The following ZNF532 variants were observed in gnomAD, a reference collection of about 807,000 sequenced individuals.
ZNF532 encodes zinc finger protein 532.
In ZNF532, 22 loss-of-function variants were observed where a neutral mutation model predicts 89.3. The observed-to-expected ratio is 0.25, with a 90% CI of 0.18 to 0.35. The LOEUF (loss-of-function observed/expected upper bound fraction) is 0.35. Ranked by LOEUF, ZNF532 falls within the 10% of genes least tolerant of loss-of-function variation. The probability of loss-of-function intolerance (pLI) is 1.00; values close to 1 mark genes in which losing one functional copy is unlikely to be tolerated. For missense variants in ZNF532, 1,132 were observed against 1,643.4 expected, an observed-to-expected ratio of 0.69 and a Z score of 5.38; for synonymous variants, 606 against 649.6, an observed-to-expected ratio of 0.93 and a Z score of 1.02.
chr18:58,928,391 G>A (rs2061694519), intron 3 of ZNF532, among the ~76,000 whole-genome samples: 1 of 152,218 alleles, frequency 6.6e-6, no homozygotes. Flanking sequence ...AGACTCAGAA[G>A]CACCACTTCC....
chr18:58,947,996 G>T, intron 5 of ZNF532, 71 bp from the exon 6 acceptor site: 1 of 1,464,910 alleles, frequency 6.8e-7, no homozygotes. Context: ...AAGTTCTTCA[G>T]CTATAAAGTA....
chr18:58,888,864 A>AT (rs1468262960), intron 2 of ZNF532, among the ~76,000 whole-genome samples: 1,689 of 54,098 alleles, frequency 0.031, 138 homozygotes, highest in South Asian at 0.044. Flanking sequence ...ATTTATATAT[A>AT]TATAATATAT....
At chr18:58,923,291 TCTC>T (rs2061268142) in intron 3 of ZNF532, among the ~76,000 whole-genome samples, 1 of 150,556 alleles carries the variant, frequency 6.6e-6, no homozygotes, top group Non-Finnish European at 1.5e-5. Context: ...CATAGCACGC[TCTC>T]CTCCTGTTCC....
At chr18:58,878,229 T>C (rs1209291459) in intron 2 of ZNF532, among the ~76,000 whole-genome samples, 1 of 151,558 alleles carries the variant, frequency 6.6e-6, no homozygotes, top group Non-Finnish European at 1.5e-5. Context: ...CACTCCAGCC[T>C]GGGCGACAGA....
chr18:58,928,890 G>T (rs937952332), intron 3 of ZNF532, among the ~76,000 whole-genome samples: 2 of 152,166 alleles, frequency 1.3e-5, no homozygotes, highest in African/African-American at 4.8e-5. Flanking sequence ...TTGAATAATT[G>T]ATATTTTAAT....
At chr18:58,896,069 T>G (rs546909505) in intron 2 of ZNF532, among the ~76,000 whole-genome samples, 1 of 152,134 alleles carries the variant, frequency 6.6e-6, no homozygotes, top group Non-Finnish European at 1.5e-5. Context: ...CCCAGGCTGG[T>G]CTTAAACTCT....
intron 2 of ZNF532, among the ~76,000 whole-genome samples, chr18:58,881,377 C>G (rs929101412): frequency 3.9e-5 from 6 of 152,120 alleles, no homozygotes; most frequent in Non-Finnish European, 7.4e-5. Flanking sequence ...CTCAGCTGAT[C>G]CTGCCTCGGC....
intron 7 of ZNF532, chr18:58,977,609 GCTGA>G (rs1484346664): frequency 2.0e-5 from 3 of 152,284 alleles, no homozygotes; most frequent in Non-Finnish European, 2.9e-5. Context: ...ACTTTGGGAG[GCTGA>G]CTGAGGCCAG....
intron 7 of ZNF532, chr18:58,954,339 GTA>G: frequency 1.2e-6 from 1 of 827,626 alleles, no homozygotes; most frequent in South Asian, 5.6e-5. Context: ...TAAATAGTAA[GTA>G]TATGTCTCCA....
At chr18:58,963,885 G>A (rs900021484) in intron 7 of ZNF532, among the ~76,000 whole-genome samples, 7 of 151,644 alleles carry the variant, frequency 4.6e-5, no homozygotes, top group African/African-American at 1.7e-4. Flanking sequence ...CTAGCCATGT[G>A]TATGAAATGT....
intron 7 of ZNF532, among the ~76,000 whole-genome samples, chr18:58,968,709 C>T (rs933242720): frequency 2.0e-5 from 3 of 152,122 alleles, no homozygotes; most frequent in Non-Finnish European, 4.4e-5. Context: ...CAGATTTGCG[C>T]TGGGATTAGG....
chr18:58,888,086 A>C (rs1286170931), intron 2 of ZNF532, among the ~76,000 whole-genome samples: 1 of 152,228 alleles, frequency 6.6e-6, no homozygotes, highest in Non-Finnish European at 1.5e-5. Context: ...CTCTAATCTA[A>C]ATTATGAAAA....
intron 3 of ZNF532, 150 bp from the exon 4 acceptor site, chr18:58,934,283 T>C: frequency 1.5e-6 from 1 of 674,000 alleles, no homozygotes; most frequent in South Asian, 2.2e-5. Flanking sequence ...ACATGTAACT[T>C]TCAAGTTGGC....
chr18:58,877,254 C>T (rs969235696), intron 2 of ZNF532, among the ~76,000 whole-genome samples: 16 of 152,124 alleles, frequency 1.1e-4, no homozygotes, highest in African/African-American at 1.2e-4. Context: ...TGTTGGAAAA[C>T]GGCTAGTCAC....
At chr18:58,866,492 G>A (rs1028004851) in intron 2 of ZNF532, among the ~76,000 whole-genome samples, 16 of 152,220 alleles carry the variant, frequency 1.1e-4, no homozygotes, top group African/African-American at 3.4e-4. Context: ...GGGATCCAGT[G>A]TGATCTCAAC....
chr18:58,975,331 G>A (rs2066921820), intron 7 of ZNF532, among the ~76,000 whole-genome samples: 1 of 152,226 alleles, frequency 6.6e-6, no homozygotes, highest in African/African-American at 2.4e-5. Flanking sequence ...GTGGAGGTAG[G>A]ACTCCCAGGA....
intron 3 of ZNF532, among the ~76,000 whole-genome samples, chr18:58,928,129 C>A (rs1457377297): frequency 6.6e-6 from 1 of 152,120 alleles, no homozygotes; most frequent in Non-Finnish European, 1.5e-5. Flanking sequence ...TTGAACAGAG[C>A]CTGTCTCAGT....
At chr18:58,892,515 A>T (rs2058971080) in intron 2 of ZNF532, among the ~76,000 whole-genome samples, 1 of 152,210 alleles carries the variant, frequency 6.6e-6, no homozygotes, top group Non-Finnish European at 1.5e-5. Context: ...TCTGGTGAGG[A>T]GGCCTCCCAG....
At chr18:58,950,569 G>A (rs2064064093) in intron 6 of ZNF532, among the ~76,000 whole-genome samples, 1 of 151,976 alleles carries the variant, frequency 6.6e-6, no homozygotes, top group African/African-American at 2.4e-5. Context: ...GGAAGAGGAA[G>A]TGGAACAGGC....
Sources: allele counts gnomAD v4.1 joint callset (sites outside exome capture counted in the v4.1 genomes callset), GRCh38; gene constraint gnomAD v4.1.1; transcripts MANE v1.5; gene names NCBI Gene and HGNC (gene_info 2026-07-23, HGNC 2026-07-21).